The following GTF2I variants were observed in gnomAD, a reference collection of about 807,000 sequenced individuals.
The protein encoded by GTF2I is general transcription factor II-I.
Under a neutral mutation model 67.6 loss-of-function variants are expected in GTF2I, and 12 were observed. The observed-to-expected ratio is 0.18, with a 90% CI of 0.11 to 0.29. GTF2I has a LOEUF of 0.29. Ranked by LOEUF, GTF2I falls within the 10% of genes least tolerant of loss-of-function variation. The pLI is 1.00. For synonymous variants in GTF2I, 149 were observed against 197.0 expected, an observed-to-expected ratio of 0.76 and a Z score of 2.04; for missense variants, 271 against 580.1, an observed-to-expected ratio of 0.47 and a Z score of 5.47.
At chr7:74,680,146 AT>A (rs1421509220) in intron 1 of GTF2I, among the ~76,000 whole-genome samples, 4 of 142,978 alleles carry the variant, frequency 2.8e-5, no homozygotes, top group Non-Finnish European at 4.5e-5. Context: ...ACACATATAT[AT>A]ATGTATGTAT....
At chr7:74,671,147 C>T (rs1164378590) in intron 1 of GTF2I, among the ~76,000 whole-genome samples, 2 of 131,580 alleles carry the variant, frequency 1.5e-5, no homozygotes, top group African/African-American at 5.9e-5. Context: ...AGTGCAGTGG[C>T]GTGATCTCAG....
At chr7:74,721,052 T>C (rs1554404523) in intron 12 of GTF2I, among the ~76,000 whole-genome samples, 1 of 152,164 alleles carries the variant, frequency 6.6e-6, no homozygotes, top group African/African-American at 2.4e-5. Flanking sequence ...TTTATTTATT[T>C]GTTTTTGAGA....
At chr7:74,691,199 TC>T in intron 3 of GTF2I, 88 bp downstream of exon 3, 1 of 1,009,100 alleles carries the variant, frequency 9.9e-7, no homozygotes. Flanking sequence ...TTTCTTTCTT[TC>T]TTTCTTTCTT....
At chr7:74,717,026 T>C in intron 11 of GTF2I, 76 bp downstream of exon 11, 8 of 1,515,348 alleles carry the variant, frequency 5.3e-6, no homozygotes, top group Non-Finnish European at 7.2e-6. Context: ...CTATTATCCT[T>C]AAAACACCTT....
At chr7:74,721,299 C>A (rs2131455555) in intron 12 of GTF2I, among the ~76,000 whole-genome samples, 1 of 152,250 alleles carries the variant, frequency 6.6e-6, no homozygotes, top group South Asian at 2.1e-4. Context: ...CCTCGGCTTC[C>A]CAAAGTGCTG....
At chr7:74,701,397 G>A (rs1377736641) in intron 6 of GTF2I, among the ~76,000 whole-genome samples, 1 of 152,020 alleles carries the variant, frequency 6.6e-6, no homozygotes, top group Non-Finnish European at 1.5e-5. Flanking sequence ...TATTCTCATT[G>A]TGGTGAAAAG....
chr7:74,671,868 C>T (rs1584087505), intron 1 of GTF2I, among the ~76,000 whole-genome samples: 1 of 151,654 alleles, frequency 6.6e-6, no homozygotes, highest in African/African-American at 2.4e-5. Context: ...CCTGTAGTCT[C>T]AGCTACTAAG....
At chr7:74,719,204 A>G (rs1292805350) in intron 12 of GTF2I, among the ~76,000 whole-genome samples, 2 of 152,178 alleles carry the variant, frequency 1.3e-5, no homozygotes, top group African/African-American at 2.4e-5. Context: ...GAAAAAGAAA[A>G]TTATGACCAG....
intron 15 of GTF2I, among the ~76,000 whole-genome samples, chr7:74,732,973 A>AT (rs1166582666): frequency 1.4e-4 from 21 of 149,464 alleles, no homozygotes; most frequent in East Asian, 3.9e-4. Context: ...ATATATATAT[A>AT]TTTTTTTTTT....
At chr7:74,695,256 G>T (rs1159603895) in intron 3 of GTF2I, among the ~76,000 whole-genome samples, 3 of 152,164 alleles carry the variant, frequency 2.0e-5, no homozygotes, top group African/African-American at 7.2e-5. Context: ...TTTAGAGTAT[G>T]ACATAAACTT....
intron 1 of GTF2I, among the ~76,000 whole-genome samples, chr7:74,668,173 CTTTT>C (rs781864782): frequency 4.3e-5 from 4 of 92,958 alleles, no homozygotes; most frequent in African/African-American, 1.6e-4. Context: ...TGGTGCAGAA[CTTTT>C]TTTTTTTTTT....
intron 3 of GTF2I, among the ~76,000 whole-genome samples, chr7:74,695,084 T>C (rs1788756343): frequency 6.6e-6 from 1 of 152,130 alleles, no homozygotes; most frequent in African/African-American, 2.4e-5. Flanking sequence ...ACTCACAGAG[T>C]CCTGATGGAG....
chr7:74,714,637 T>TG (rs1554403213), intron 9 of GTF2I, among the ~76,000 whole-genome samples: 1 of 152,100 alleles, frequency 6.6e-6, no homozygotes, highest in Non-Finnish European at 1.5e-5. Flanking sequence ...CAAAATTTCT[T>TG]TTGACTGTTT....
At position 74,700,311 on chromosome 7, in the gene GTF2I, G is replaced by A. The variant is rs190779878; in HGVS notation, c.438G>A (p.Ser146=). The A allele has an allele frequency of 5.8e-5, 93 of 1,614,056 alleles. No individual in the cohort carries two copies. The East Asian group carries it at 1.4e-3, about 25-fold the overall frequency. ...VPYEKMLRDQ[S]AVVVQGLPEG... ...ATGAGAAGATGCTGCGAGACCAGTC[G>A]GCTGTGGTAGTGCAGGGGCTTCCGG... is the stretch of plus-strand genomic sequence containing the variant. Residue 146 remains serine (S), a synonymous_variant, in exon 5 of 35, where the codon TCG becomes TCA. Transcript: ENST00000573035.
chr7:74,709,183 C>T (rs112913560), intron 8 of GTF2I, among the ~76,000 whole-genome samples: 2 of 152,348 alleles, frequency 1.3e-5, no homozygotes, highest in African/African-American at 4.8e-5. Context: ...AGACAATAGG[C>T]ATAGTCGCCA....
chr7:74,662,193 GT>G (rs782333320), intron 1 of GTF2I, among the ~76,000 whole-genome samples: 1 of 138,566 alleles, frequency 7.2e-6, no homozygotes, highest in Admixed American at 8.5e-5. Flanking sequence ...AGATTTTTAG[GT>G]TTTTTCTTTC....
chr7:74,683,526 A>C (rs587719405), intron 1 of GTF2I, among the ~76,000 whole-genome samples: 2 of 152,208 alleles, frequency 1.3e-5, no homozygotes, highest in South Asian at 4.1e-4. Context: ...CTAAAGGAAA[A>C]TTAAATTAAG....
chr7:74,664,170 G>C (rs1554387668), intron 1 of GTF2I, among the ~76,000 whole-genome samples: 1 of 152,128 alleles, frequency 6.6e-6, no homozygotes, highest in African/African-American at 2.4e-5. Flanking sequence ...AGAGGTGAAG[G>C]TATTGTCTTG....
chr7:74,677,094 A>T (rs1355238594), intron 1 of GTF2I, among the ~76,000 whole-genome samples: 1 of 151,956 alleles, frequency 6.6e-6, no homozygotes, highest in South Asian at 2.1e-4. Context: ...AAACCGAAAA[A>T]ACCCCAACAG....
Sources: gnomAD v4.1 joint callset for allele counts (sites outside exome capture counted in the v4.1 genomes callset) on GRCh38, gnomAD v4.1.1 for gene constraint, MANE v1.5 for transcripts, NCBI Gene and HGNC (gene_info 2026-07-23, HGNC 2026-07-21) for gene names.